Variants in THSD4 observed in about 807,000 individuals in gnomAD.
The protein encoded by THSD4 is thrombospondin type 1 domain containing 4.
Under a neutral mutation model 119.0 loss-of-function variants are expected in THSD4, and 69 were observed. The observed-to-expected ratio is 0.58, with a 90% CI of 0.48 to 0.71. The LOEUF (loss-of-function observed/expected upper bound fraction) is 0.71, where lower values mean the gene tolerates loss of function less well. Ranked by LOEUF, THSD4 falls within the 30% of genes least tolerant of loss-of-function variation. The probability of loss-of-function intolerance (pLI) is 0.00; values close to 1 mark genes in which losing one functional copy is unlikely to be tolerated. For synonymous variants in THSD4, 524 were observed against 540.4 expected (o/e 0.97, Z 0.42); for missense variants, 1,393 against 1,391.1 (o/e 1.00, Z -0.02).
chr15:71,275,988 G>A (rs1054565510), intron 6 of THSD4, among the ~76,000 whole-genome samples: 2 of 152,156 alleles, frequency 1.3e-5, no homozygotes, highest in Admixed American at 6.5e-5. Flanking sequence ...GCATGAGAAC[G>A]GACTAATACA....
rs147322614 is a variant in THSD4 at position 71,140,476 on chromosome 15, C to T, written c.-79-973C>T. ...TCAGGGCATTCATGAGGGACCCACC[C>T]GCATGACCAGACACCTCCAATGGAC... On this transcript the variant is annotated intron_variant, in intron 1 of 17. Transcript: ENST00000261862. 3.0e-3 allele frequency among the ~76,000 whole-genome samples: 463 copies of T among 152,206 alleles called. 5 individuals carry two copies. Among genetic ancestry groups the T allele is most frequent in the African/African-American group, 9.7e-3 (403 of 41,528 alleles).
chr15:71,584,243 G>A (rs887843791), intron 7 of THSD4, among the ~76,000 whole-genome samples: 1 of 114,990 alleles, frequency 8.7e-6, no homozygotes, highest in Non-Finnish European at 2.0e-5. Context: ...CCATTCACGT[G>A]GATTTTTTTT....
chr15:71,773,926 A>G (rs2053866839), intron 17 of THSD4, among the ~76,000 whole-genome samples: 1 of 152,224 alleles, frequency 6.6e-6, no homozygotes, highest in Non-Finnish European at 1.5e-5. Flanking sequence ...ACTCAAGTAG[A>G]CAGAAAATTA....
chr15:71,318,522 C>A (rs1002328825), intron 6 of THSD4, among the ~76,000 whole-genome samples: 3 of 152,134 alleles, frequency 2.0e-5, no homozygotes, highest in Non-Finnish European at 4.4e-5. Flanking sequence ...AATAAGTATC[C>A]TAATGGGAAA....
chr15:71,278,793 A>G (rs143869591), intron 6 of THSD4, among the ~76,000 whole-genome samples: 65 of 152,322 alleles, frequency 4.3e-4, no homozygotes, highest in African/African-American at 1.4e-3. Flanking sequence ...TGAGCCCAGA[A>G]GTCAACAAAT....
At chr15:71,219,990 T>G (rs2043962733) in intron 4 of THSD4, among the ~76,000 whole-genome samples, 1 of 152,232 alleles carries the variant, frequency 6.6e-6, no homozygotes, top group South Asian at 2.1e-4. Flanking sequence ...TGGGATTTAA[T>G]AGTGAAGGCT....
chr15:71,157,061 G>T (rs2040785070), intron 3 of THSD4, among the ~76,000 whole-genome samples: 1 of 152,012 alleles, frequency 6.6e-6, no homozygotes, highest in African/African-American at 2.4e-5. Flanking sequence ...GAATTATCAG[G>T]GTTGTTAATC....
At chr15:71,338,743 G>GAC (rs970894117) in intron 6 of THSD4, among the ~76,000 whole-genome samples, 3 of 152,154 alleles carry the variant, frequency 2.0e-5, no homozygotes, top group African/African-American at 7.2e-5. Flanking sequence ...TGCAGCAACA[G>GAC]ACACTTGGTG....
At chr15:71,726,205 A>G (rs151336767) in intron 8 of THSD4, among the ~76,000 whole-genome samples, 1 of 152,246 alleles carries the variant, frequency 6.6e-6, no homozygotes, top group African/African-American at 2.4e-5. Flanking sequence ...TCAGTAGTGA[A>G]AGGTCTGCAG....
intron 6 of THSD4, among the ~76,000 whole-genome samples, chr15:71,290,176 A>G (rs1474423479): frequency 6.6e-6 from 1 of 152,186 alleles, no homozygotes; most frequent in Non-Finnish European, 1.5e-5. Flanking sequence ...GCTGGTGACC[A>G]TGGGCAACAG....
chr15:71,262,300 C>T (rs1340901025), intron 6 of THSD4, among the ~76,000 whole-genome samples: 2 of 152,114 alleles, frequency 1.3e-5, no homozygotes, highest in Non-Finnish European at 2.9e-5. Context: ...GTAAAGATGG[C>T]AAAAGTGGAA....
intron 6 of THSD4, among the ~76,000 whole-genome samples, chr15:71,352,760 A>G (rs1005116872): frequency 6.6e-6 from 1 of 152,352 alleles, no homozygotes; most frequent in East Asian, 1.9e-4. Flanking sequence ...GCTTATCCAT[A>G]TTGCTTTTAT....
intron 3 of THSD4, among the ~76,000 whole-genome samples, chr15:71,173,906 G>A (rs1413900075): frequency 1.3e-5 from 2 of 152,008 alleles, no homozygotes; most frequent in Non-Finnish European, 2.9e-5. Flanking sequence ...ACCATTCGAT[G>A]GGAAAAGATG....
chr15:71,310,017 C>T (rs532100302), intron 6 of THSD4, among the ~76,000 whole-genome samples: 2 of 152,200 alleles, frequency 1.3e-5, no homozygotes, highest in East Asian at 3.9e-4. Context: ...TCATACAGCT[C>T]CTAAAAGGTT....
chr15:71,724,115 G>A (rs1290743483), intron 8 of THSD4, among the ~76,000 whole-genome samples: 11 of 146,842 alleles, frequency 7.5e-5, no homozygotes, highest in Admixed American at 1.4e-4. Context: ...GTTGAGGGAG[G>A]AGCATTTCTG....
At chr15:71,279,795 A>C (rs62740662) in intron 6 of THSD4, among the ~76,000 whole-genome samples, 4 of 152,010 alleles carry the variant, frequency 2.6e-5, no homozygotes, top group Non-Finnish European at 5.9e-5. Flanking sequence ...AAAAAAAAAA[A>C]ACACAAAGAT....
At chr15:71,584,767 T>G (rs2049631370) in intron 7 of THSD4, among the ~76,000 whole-genome samples, 1 of 152,196 alleles carries the variant, frequency 6.6e-6, no homozygotes, top group African/African-American at 2.4e-5. Flanking sequence ...TTAGTTCCTT[T>G]TTTCCTTTCT....
intron 1 of THSD4, among the ~76,000 whole-genome samples, chr15:71,097,997 A>G (rs1364128809): frequency 6.6e-6 from 1 of 151,968 alleles, no homozygotes; most frequent in Non-Finnish European, 1.5e-5. Flanking sequence ...TCACAGGGAC[A>G]ATACACTTGC....
intron 7 of THSD4, among the ~76,000 whole-genome samples, chr15:71,509,075 T>A (rs1471444293): frequency 6.6e-6 from 1 of 152,132 alleles, no homozygotes; most frequent in African/African-American, 2.4e-5. Flanking sequence ...ATGGGTTTAC[T>A]CATACTCCTA....
Sources: gnomAD v4.1 joint callset for allele counts (sites outside exome capture counted in the v4.1 genomes callset) on GRCh38, gnomAD v4.1.1 for gene constraint, MANE v1.5 for transcripts, NCBI Gene and HGNC (gene_info 2026-07-23, HGNC 2026-07-21) for gene names.